RGS6: variants seen among roughly 807,000 people sequenced by gnomAD.
RGS6 encodes regulator of G protein signaling 6.
A neutral mutation model predicts 78.5 loss-of-function variants in RGS6; 30 were observed. The ratio of observed to expected loss-of-function variants is 0.38; its 90% CI spans 0.29 to 0.52. The LOEUF (loss-of-function observed/expected upper bound fraction) is 0.52, where lower values mean the gene tolerates loss of function less well. Ranked by LOEUF, RGS6 falls within the 20% of genes least tolerant of loss-of-function variation. The pLI is 0.85. For missense variants in RGS6, 495 were observed against 609.7 expected (o/e 0.81, Z 1.98); for synonymous variants, 206 against 206.0 (o/e 1.00, Z 0.00).
At position 72,432,833 on chromosome 14, in the gene RGS6, C is replaced by T. The variant is rs77200104; in HGVS notation, c.185-21695C>T. Among the ~76,000 whole-genome samples, 618 of 152,278 alleles carry T rather than the reference C, an allele frequency of 4.1e-3. 3 individuals carry two copies. Among genetic ancestry groups the T allele is most frequent in the African/African-American group, 0.014 (585 of 41,556 alleles). ...CCAGGACCATGTTTCTAAGAGTAGC[C>T]ACTTGAAGCAGAAGGAAATATTTAG... On this transcript the variant is annotated intron_variant, in intron 3 of 17. Coordinates refer to ENST00000553525, the MANE Select transcript of RGS6 (RefSeq NM_001204424.2).
chr14:71,994,524 T>C (rs1298667774), intron 2 of RGS6, among the ~76,000 whole-genome samples: 1 of 152,088 alleles, frequency 6.6e-6, no homozygotes, highest in Non-Finnish European at 1.5e-5. Context: ...ATGTATGAAT[T>C]GTGTCCCCCT....
chr14:72,193,235 C>G (rs1188441430), intron 2 of RGS6, among the ~76,000 whole-genome samples: 1 of 152,186 alleles, frequency 6.6e-6, no homozygotes, highest in Non-Finnish European at 1.5e-5. Context: ...CTCAGGTGAT[C>G]CACCTGCCTT....
intron 2 of RGS6, among the ~76,000 whole-genome samples, chr14:71,997,673 C>T (rs773339417): frequency 2.6e-5 from 4 of 151,986 alleles, no homozygotes; most frequent in Non-Finnish European, 4.4e-5. Context: ...ATCAACATTT[C>T]GGGGGTGGGA....
rs528215080 is a variant in RGS6, at chr14:72,231,112, G to C, written c.85-120983G>C. Among the ~76,000 whole-genome samples, 4 of 152,308 alleles carry C rather than the reference G, an allele frequency of 2.6e-5. No individual in the cohort carries two copies. In the South Asian group the frequency reaches 8.3e-4, roughly 32 times the overall value. On this transcript the variant is annotated intron_variant, in intron 2 of 17. Coordinates refer to ENST00000553525, the MANE Select transcript of RGS6 (RefSeq NM_001204424.2). ...CACTGGAGTCTCAAGGGGAGATCTT[G>C]ACGTTGCTGTCGAGAGAATGGTGGA... is the stretch of plus-strand genomic sequence containing the variant.
intron 3 of RGS6, among the ~76,000 whole-genome samples, chr14:72,366,909 C>T (rs1004225925): frequency 3.3e-5 from 5 of 152,170 alleles, no homozygotes; most frequent in Non-Finnish European, 7.3e-5. Flanking sequence ...TTCTCCATCA[C>T]CTGAATGTCA....
intron 2 of RGS6, among the ~76,000 whole-genome samples, chr14:72,080,952 G>T (rs1305913446): frequency 6.6e-6 from 1 of 152,086 alleles, no homozygotes; most frequent in African/African-American, 2.4e-5. Flanking sequence ...CAGGTAGTGT[G>T]ATGTCTCCAC....
At chr14:71,937,237 C>T (rs183617122) in intron 1 of RGS6, among the ~76,000 whole-genome samples, 11 of 152,184 alleles carry the variant, frequency 7.2e-5, no homozygotes, top group African/African-American at 2.7e-4. Context: ...ATCTTAACTT[C>T]CAGTTTAATG....
At position 72,496,493 on chromosome 14, in the gene RGS6, C is replaced by T. The variant is rs534791223; in HGVS notation, c.965+1231C>T. Among the ~76,000 whole-genome samples, 74 of 152,276 alleles carry T rather than the reference C, an allele frequency of 4.9e-4. 1 individual carries two copies. Among genetic ancestry groups the T allele is most frequent in the Admixed American group, 8.5e-4 (13 of 15,296 alleles). On this transcript the variant is annotated intron_variant, in intron 13 of 17. Coordinates refer to ENST00000553525, the MANE Select transcript of RGS6 (RefSeq NM_001204424.2). Reference sequence around the variant, plus strand: ...ATTAACATGGAATAAGAAATAGGGACGGTAAGTTCCAACCTAATTCCAAAA... The same window carrying T: ...ATTAACATGGAATAAGAAATAGGGATGGTAAGTTCCAACCTAATTCCAAAA...
intron 2 of RGS6, among the ~76,000 whole-genome samples, chr14:72,318,707 A>G (rs2071019203): frequency 6.6e-6 from 1 of 152,176 alleles, no homozygotes; most frequent in Non-Finnish European, 1.5e-5. Context: ...GAGCAGGCAT[A>G]CCCTAAAGGA....
intron 12 of RGS6, among the ~76,000 whole-genome samples, chr14:72,481,430 C>A (rs919310081): frequency 2.6e-5 from 4 of 152,186 alleles, no homozygotes; most frequent in Admixed American, 6.5e-5. Context: ...TGTCTCCCCC[C>A]AGTCTCCCAC....
rs190838737 is a variant in RGS6, at chr14:72,553,516, A to G, written c.1423-8901A>G. Among the ~76,000 whole-genome samples the G allele has an allele frequency of 6.6e-5, 10 of 151,834 alleles. No individual in the cohort carries two copies. The East Asian group carries it at 1.9e-3, about 29-fold the overall frequency. On this transcript the variant is annotated intron_variant, in intron 17 of 17. Coordinates refer to ENST00000553525, the MANE Select transcript of RGS6 (RefSeq NM_001204424.2). ...GTTCCAGGGACAGTCGGCAGCACCC[A>G]TTTCTTGGTGTCTCTGTTTTTTCTG...
intron 2 of RGS6, among the ~76,000 whole-genome samples, chr14:72,044,029 G>A (rs2092643812): frequency 6.6e-6 from 1 of 151,910 alleles, no homozygotes; most frequent in Non-Finnish European, 1.5e-5. Context: ...TTTTATCTGG[G>A]AGGTGTCTAT....
intron 3 of RGS6, among the ~76,000 whole-genome samples, chr14:72,396,237 A>G (rs1048224813): frequency 6.6e-6 from 1 of 152,298 alleles, no homozygotes; most frequent in African/African-American, 2.4e-5. Context: ...AACTGGTGTG[A>G]GATGGATGGT....
At chr14:72,473,120 C>T (rs1257806956) in intron 9 of RGS6, among the ~76,000 whole-genome samples, 167 bp downstream of exon 9, 1 of 152,136 alleles carries the variant, frequency 6.6e-6, no homozygotes, top group Non-Finnish European at 1.5e-5. Flanking sequence ...AGTAAATTTT[C>T]TGGAATATAT....
At chr14:72,262,279 G>A (rs755102526) in intron 2 of RGS6, among the ~76,000 whole-genome samples, 8 of 152,194 alleles carry the variant, frequency 5.3e-5, no homozygotes, top group Non-Finnish European at 1.0e-4. Flanking sequence ...CAGACTGGGT[G>A]GCTTAAACAG....
At chr14:72,340,056 A>G (rs1452188695) in intron 2 of RGS6, among the ~76,000 whole-genome samples, 1 of 152,164 alleles carries the variant, frequency 6.6e-6, no homozygotes, top group African/African-American at 2.4e-5. Flanking sequence ...CTGCCTTTCC[A>G]GTTTCCCAGC....
intron 2 of RGS6, among the ~76,000 whole-genome samples, chr14:72,054,654 A>T (rs1023005803): frequency 1.3e-5 from 2 of 152,186 alleles, no homozygotes; most frequent in Non-Finnish European, 2.9e-5. Context: ...TGCAATGCCT[A>T]ATCTAAGAAT....
At chr14:72,000,118 T>C (rs1448767811) in intron 2 of RGS6, among the ~76,000 whole-genome samples, 1 of 152,172 alleles carries the variant, frequency 6.6e-6, no homozygotes. Flanking sequence ...TCGAGCAGGG[T>C]TGTGATACAC....
At chr14:72,481,167 T>C (rs11844202) in intron 12 of RGS6, among the ~76,000 whole-genome samples, 72,243 of 151,912 alleles carry the variant, frequency 0.48, 17,558 homozygotes, top group East Asian at 0.81. Flanking sequence ...AGAGGGGAGA[T>C]AGTAGTTGTA....
Sources: allele counts gnomAD v4.1 joint callset (sites outside exome capture counted in the v4.1 genomes callset), GRCh38; gene constraint gnomAD v4.1.1; transcripts MANE v1.5; gene names NCBI Gene and HGNC (gene_info 2026-07-23, HGNC 2026-07-21).